PARD3: variants seen among roughly 807,000 people sequenced by gnomAD.
PARD3 encodes the protein partitioning defective 3 homolog.
PARD3 carries 75 observed loss-of-function variants against 155.4 expected under a neutral mutation model. That is an observed-to-expected ratio of 0.48 (90% confidence interval 0.40 to 0.58). PARD3 has a LOEUF of 0.58. Ranked by LOEUF, PARD3 falls within the 20% of genes least tolerant of loss-of-function variation. The pLI, the probability that PARD3 is intolerant of heterozygous loss-of-function variation, is 0.00. For synonymous variants in PARD3, 576 were observed against 610.5 expected (o/e 0.94, Z 0.83); for missense variants, 1,642 against 1,721.7 (o/e 0.95, Z 0.82).
intron 22 of PARD3, among the ~76,000 whole-genome samples, chr10:34,263,889 G>A (rs1955157649): frequency 6.6e-6 from 1 of 152,192 alleles, no homozygotes; most frequent in Admixed American, 6.5e-5. Context: ...AGCTAATTGA[G>A]CAACACTGGA....
intron 5 of PARD3, among the ~76,000 whole-genome samples, chr10:34,441,949 T>G (rs1009473387): frequency 2.0e-5 from 3 of 152,218 alleles, no homozygotes; most frequent in Non-Finnish European, 2.9e-5. Flanking sequence ...CAGATTTATC[T>G]TATAAAATAG....
At chr10:34,144,602 C>G (rs557036367) in intron 22 of PARD3, among the ~76,000 whole-genome samples, 1 of 152,254 alleles carries the variant, frequency 6.6e-6, no homozygotes, top group Admixed American at 6.5e-5. Flanking sequence ...TTAGACATTT[C>G]TGGGTAATAT....
intron 2 of PARD3, among the ~76,000 whole-genome samples, chr10:34,597,475 T>C (rs568280588): frequency 6.6e-6 from 1 of 152,172 alleles, no homozygotes; most frequent in Admixed American, 6.5e-5. Flanking sequence ...TCACCCAGGC[T>C]GGAGTAGGAG....
intron 5 of PARD3, among the ~76,000 whole-genome samples, chr10:34,408,741 T>C (rs946590290): frequency 3.3e-5 from 5 of 152,038 alleles, no homozygotes; most frequent in Non-Finnish European, 5.9e-5. Context: ...AGGAAATGTG[T>C]AATACAATTT....
chr10:34,631,891 C>T (rs2092286785), intron 2 of PARD3, among the ~76,000 whole-genome samples: 1 of 152,194 alleles, frequency 6.6e-6, no homozygotes, highest in Non-Finnish European at 1.5e-5. Context: ...AGCACCATGT[C>T]CAGCCGCCGC....
chr10:34,161,178 G>A (rs190351311), intron 22 of PARD3, among the ~76,000 whole-genome samples: 15 of 148,624 alleles, frequency 1.0e-4, no homozygotes, highest in African/African-American at 3.7e-4. Flanking sequence ...CCAGGAGGCT[G>A]AGACTGCAGT....
intron 22 of PARD3, among the ~76,000 whole-genome samples, chr10:34,205,069 A>G (rs1951407054): frequency 6.6e-6 from 1 of 152,230 alleles, no homozygotes; most frequent in Non-Finnish European, 1.5e-5. Context: ...GTTGGAAAAC[A>G]ACACACTGTA....
At chr10:34,369,467 T>C (rs548365232) in intron 12 of PARD3, among the ~76,000 whole-genome samples, 18 of 152,176 alleles carry the variant, frequency 1.2e-4, no homozygotes, top group Non-Finnish European at 8.8e-5. Flanking sequence ...GTCATGGACA[T>C]TGTAAAGATT....
intron 7 of PARD3, among the ~76,000 whole-genome samples, chr10:34,388,239 C>T (rs1842540967): frequency 6.6e-6 from 1 of 152,116 alleles, no homozygotes; most frequent in Admixed American, 6.5e-5. Flanking sequence ...CTATTAGAAT[C>T]ATTCTCTCAA....
chr10:34,517,054 T>C lies in PARD3; in HGVS notation c.328A>G (p.Thr110Ala). Residue 110 changes from threonine (T) to alanine (A), a missense_variant, in exon 3 of 25, where the codon ACC becomes GCC. Coordinates refer to ENST00000374788, the MANE Select transcript of PARD3 (RefSeq NM_001184785.2). ...GGCTGAAAGGCTGAGACATTGTTGG[T>C]GCCAAGCTCACTACCAAATATCTCT... The part of the protein sequence containing the change: ...SPEIFGSELG[T>A]NNVSAFQPYQ... 1 of 1,614,220 alleles carries C rather than the reference T, an allele frequency of 6.2e-7. No homozygotes were observed. Among genetic ancestry groups the C allele is most frequent in the Non-Finnish European group, 8.5e-7 (1 of 1,180,026 alleles).
chr10:34,516,604 G>A (rs981383557), intron 3 of PARD3, among the ~76,000 whole-genome samples: 4 of 152,260 alleles, frequency 2.6e-5, no homozygotes, highest in East Asian at 3.9e-4. Flanking sequence ...TATAAATGAC[G>A]GTTGTAACAG....
chr10:34,303,622 GT>G lies in PARD3; in HGVS notation c.3065+13484del, dbSNP rs372510801. ...TATAAGAGCAGGAATTCGATAAGAT[GT>G]TTTTTTTTTTCCTCTACAATCTTCA... On this transcript the variant is annotated intron_variant, in intron 20 of 24. Transcript: ENST00000374788. Among the ~76,000 whole-genome samples the G allele has an allele frequency of 1.1e-3, 164 of 148,664 alleles. 1 individual carries two copies. Among genetic ancestry groups the G allele is most frequent in the South Asian group, 1.3e-3 (6 of 4,686 alleles).
chr10:34,378,705 A>G (rs1251882492), intron 9 of PARD3, among the ~76,000 whole-genome samples: 2 of 152,214 alleles, frequency 1.3e-5, no homozygotes, highest in East Asian at 3.8e-4. Context: ...CTTACCATGT[A>G]TATTTCCTTC....
intron 2 of PARD3, among the ~76,000 whole-genome samples, chr10:34,580,450 A>C (rs370844351): frequency 2.2e-4 from 33 of 152,258 alleles, no homozygotes; most frequent in African/African-American, 7.2e-4. Context: ...TGGGAGGGTC[A>C]CTGGAGCCTA....
chr10:34,125,268 T>C (rs1947222853), intron 23 of PARD3, among the ~76,000 whole-genome samples: 1 of 152,082 alleles, frequency 6.6e-6, no homozygotes, highest in Non-Finnish European at 1.5e-5. Flanking sequence ...GGTTTCACCA[T>C]GTTGGCCAGG....
intron 2 of PARD3, among the ~76,000 whole-genome samples, chr10:34,614,231 A>G (rs1021200961): frequency 6.6e-6 from 1 of 152,252 alleles, no homozygotes; most frequent in South Asian, 2.1e-4. Context: ...CATGGGATGA[A>G]GGACTAAATC....
chr10:34,166,593 C>G (rs953908606), intron 22 of PARD3, among the ~76,000 whole-genome samples: 1 of 151,760 alleles, frequency 6.6e-6, no homozygotes, highest in Non-Finnish European at 1.5e-5. Context: ...CATGCCGCTT[C>G]ACTCCAGCCT....
chr10:34,656,620 T>C lies in PARD3; in HGVS notation c.222+39698A>G, dbSNP rs1042841590. Among the ~76,000 whole-genome samples, 6 of 152,216 alleles carry C rather than the reference T, an allele frequency of 3.9e-5. No homozygotes were observed. The South Asian group carries it at 1.2e-3, about 32-fold the overall frequency. ...TATTGTTATGCTTTTAGAAAGCTCA[T>C]CAGGTATTTCCAAAAGCTTCCTAAT... On this transcript the variant is annotated intron_variant, in intron 2 of 24. Coordinates refer to ENST00000374788, the MANE Select transcript of PARD3 (RefSeq NM_001184785.2).
At chr10:34,274,660 T>C (rs1307027836) in intron 21 of PARD3, among the ~76,000 whole-genome samples, 1 of 152,096 alleles carries the variant, frequency 6.6e-6, no homozygotes, top group Non-Finnish European at 1.5e-5. Flanking sequence ...CAGACCTAAG[T>C]ATAATTATAT....
Sources: allele counts gnomAD v4.1 joint callset (sites outside exome capture counted in the v4.1 genomes callset), GRCh38; gene constraint gnomAD v4.1.1; transcripts MANE v1.5; gene names NCBI Gene and HGNC (gene_info 2026-07-23, HGNC 2026-07-21).